The following FAM149A variants were observed in gnomAD, a reference collection of about 807,000 sequenced individuals.
FAM149A encodes the protein protein FAM149A.
In FAM149A, 71 loss-of-function variants were observed where a neutral mutation model predicts 78.2. The observed-to-expected ratio is 0.91, with a 90% CI of 0.75 to 1.11. FAM149A has a LOEUF of 1.11. Among genes scored for constraint, FAM149A ranks in the 50% least tolerant of loss-of-function variants. FAM149A has a pLI of 0.00. For synonymous variants in FAM149A, 446 were observed against 410.5 expected (o/e 1.09, Z -1.04); for missense variants, 1,036 against 971.0 (o/e 1.07, Z -0.89).
At chr4:186,163,677 C>A (rs756324675) in intron 10 of FAM149A, 44 bp downstream of exon 10, 17 of 1,416,418 alleles carry the variant, frequency 1.2e-5, no homozygotes, top group Non-Finnish European at 1.6e-5. Context: ...CCACGGAGGA[C>A]CTAGATGCTT....
intron 1 of FAM149A, chr4:186,127,473 G>A (rs1579810273): frequency 1.0e-6 from 1 of 985,424 alleles, no homozygotes; most frequent in Non-Finnish European, 1.2e-6. Context: ...CCTCTCCAAA[G>A]TCTCACAGCT....
At chr4:186,130,263 A>ATATCTCTCTCTCTCTC (rs1554068048) in intron 1 of FAM149A, 2 of 67,098 alleles carry the variant, frequency 3.0e-5, no homozygotes, top group African/African-American at 5.3e-5. Flanking sequence ...ACTTTATGAA[A>ATATCTCTCTCTCTCTC]TCTCTCTCTC....
chr4:186,146,168 A>C (rs189314426), intron 1 of FAM149A, among the ~76,000 whole-genome samples: 4 of 152,254 alleles, frequency 2.6e-5, no homozygotes, highest in African/African-American at 9.6e-5. Context: ...TACGGACTTA[A>C]ATTCCTGTTC....
chr4:186,135,395 A>T (rs2099322282), intron 1 of FAM149A, among the ~76,000 whole-genome samples: 1 of 152,162 alleles, frequency 6.6e-6, no homozygotes, highest in Non-Finnish European at 1.5e-5. Context: ...AGAGGTAATA[A>T]TCAGTTCTCA....
intron 1 of FAM149A, among the ~76,000 whole-genome samples, chr4:186,131,211 G>C (rs934988992): frequency 3.9e-5 from 6 of 152,110 alleles, no homozygotes; most frequent in African/African-American, 1.2e-4. Flanking sequence ...AGCCAGGTGT[G>C]GGGGCACATG....
chr4:186,117,319 A>G (rs2099314163), intron 1 of FAM149A: 1 of 467,546 alleles, frequency 2.1e-6, no homozygotes. Context: ...TATTCCATCT[A>G]AGATCCACAT....
At chr4:186,153,467 G>A (rs773079999) in intron 4 of FAM149A, 178 bp from the exon 5 acceptor site, 3 of 985,270 alleles carry the variant, frequency 3.0e-6, no homozygotes, top group Non-Finnish European at 3.6e-6. Flanking sequence ...GTCAGTGGAA[G>A]AACAGTCTGG....
chr4:186,120,448 C>A (rs866571253), intron 1 of FAM149A, among the ~76,000 whole-genome samples: 1 of 151,834 alleles, frequency 6.6e-6, no homozygotes, highest in Non-Finnish European at 1.5e-5. Flanking sequence ...GTATTTCCAC[C>A]AGAACAAAAT....
intron 8 of FAM149A, among the ~76,000 whole-genome samples, chr4:186,160,494 A>G (rs959817738): frequency 3.5e-5 from 5 of 143,802 alleles, no homozygotes; most frequent in African/African-American, 7.8e-5. Context: ...CACACACTAT[A>G]CAAACACATA....
chr4:186,149,031 T>TGCGC lies in FAM149A; in HGVS notation c.567-141_567-138dup, dbSNP rs762672222. ...GTGTGTGTGTGTGTGTGTGTGTGTGTGCGCTCATGCACAGGTGGGTTTGGA... is the reference window on the plus strand; with the variant it reads ...GTGTGTGTGTGTGTGTGTGTGTGTGTGCGCGCGCTCATGCACAGGTGGGTTTGGA... On this transcript the variant is annotated intron_variant, in intron 1 of 13. Transcript: ENST00000389354. The TGCGC allele has an allele frequency of 4.0e-3, 1,361 of 339,624 alleles. 9 individuals carry two copies. Among genetic ancestry groups the TGCGC allele is most frequent in the South Asian group, 5.8e-3 (227 of 39,374 alleles). The allele number at this position is 339,624 out of a possible 1,614,324, so 21.0% of individuals were successfully genotyped here.
intron 1 of FAM149A, chr4:186,116,709 T>A: frequency 2.1e-6 from 2 of 966,668 alleles, no homozygotes; most frequent in Non-Finnish European, 2.5e-6. Context: ...GTGATTCTCC[T>A]GCCTCAGACT....
At chr4:186,108,159 A>C (rs2099309551) in intron 1 of FAM149A, among the ~76,000 whole-genome samples, 1 of 152,222 alleles carries the variant, frequency 6.6e-6, no homozygotes, top group Non-Finnish European at 1.5e-5. Flanking sequence ...TGTGTGGTTA[A>C]TATTAAAATC....
intron 8 of FAM149A, among the ~76,000 whole-genome samples, chr4:186,160,605 C>T (rs548504275): frequency 1.3e-5 from 2 of 149,328 alleles, no homozygotes; most frequent in South Asian, 2.1e-4. Flanking sequence ...CACACATACA[C>T]CACATGCATA....
At chr4:186,121,708 C>T (rs2150091822) in intron 1 of FAM149A, among the ~76,000 whole-genome samples, 1 of 152,310 alleles carries the variant, frequency 6.6e-6, no homozygotes, top group South Asian at 2.1e-4. Context: ...TAACGTGGGA[C>T]TGAAAACGAT....
rs10536167 is a variant in FAM149A, at chr4:186,104,741, CGCGGGCGGCGGGCGGCGGGCG to C, written c.-328_-308del. Among the ~76,000 whole-genome samples the C allele has an allele frequency of 4.3e-4, 65 of 149,528 alleles. No individual in the cohort carries two copies. Among genetic ancestry groups the C allele is most frequent in the African/African-American group, 1.4e-3 (57 of 40,444 alleles). On this transcript the variant is annotated 5_prime_UTR_variant, in exon 1 of 14. Transcript: ENST00000389354. ...GGCCGGGTGTGTTGAACGTAGCAACCGCGGGCGGCGGGCGGCGGGCGGCGGGCGTCTGGGGCGGGCGGCGGC... is the reference window on the plus strand; with the variant it reads ...GGCCGGGTGTGTTGAACGTAGCAACCGCGGGCGTCTGGGGCGGGCGGCGGC...
chr4:186,150,570 C>G (rs868527933), intron 3 of FAM149A, among the ~76,000 whole-genome samples: 3,392 of 63,666 alleles, frequency 0.053, 216 homozygotes, highest in African/African-American at 0.15. Context: ...CAGGCGCCCA[C>G]CACCACGCCC....
At chr4:186,169,947 A>AT (rs1366693695) in intron 13 of FAM149A, 21 of 985,292 alleles carry the variant, frequency 2.1e-5, no homozygotes, top group Non-Finnish European at 2.5e-5. Flanking sequence ...ACAAGCTAAC[A>AT]TTTAGTTCTT....
intron 8 of FAM149A, chr4:186,160,667 CACAT>C (rs1197601865): frequency 2.8e-6 from 1 of 358,788 alleles, no homozygotes; most frequent in Non-Finnish European, 3.9e-6. Flanking sequence ...ACACACCCCA[CACAT>C]ACACACACAC....
chr4:186,108,850 GTT>G lies in FAM149A; in HGVS notation c.566+3222_566+3223del, dbSNP rs199914588. ...GTAAAGGTCTTATTCTCAATCTCTG[GTT>G]TTTTTTTTTTTTTGAGACGGAGTCT... On this transcript the variant is annotated intron_variant, in intron 1 of 13. Coordinates refer to ENST00000389354, the MANE Select transcript of FAM149A (RefSeq NM_001367768.3). Among the ~76,000 whole-genome samples, 1,232 of 140,562 alleles carry G rather than the reference GTT, an allele frequency of 8.8e-3. 16 individuals carry two copies. Among genetic ancestry groups the G allele is most frequent in the African/African-American group, 0.031 (1,151 of 37,494 alleles). The allele number at this position is 140,562 out of a possible 152,430, so 92.2% of individuals were successfully genotyped here.
Sources: allele counts gnomAD v4.1 joint callset (sites outside exome capture counted in the v4.1 genomes callset), GRCh38; gene constraint gnomAD v4.1.1; transcripts MANE v1.5; gene names NCBI Gene and HGNC (gene_info 2026-07-23, HGNC 2026-07-21).